ITPR1: variants seen among roughly 807,000 people sequenced by gnomAD.
ITPR1 encodes the protein inositol 1,4,5-trisphosphate-gated calcium channel ITPR1.
Under a neutral mutation model 318.4 loss-of-function variants are expected in ITPR1, and 96 were observed. The observed-to-expected ratio is 0.30, with a 90% CI of 0.26 to 0.36. The LOEUF (loss-of-function observed/expected upper bound fraction) is 0.36, where lower values mean the gene tolerates loss of function less well. ITPR1 is among the 10% of genes least tolerant of loss of function. ITPR1 has a pLI of 1.00. For synonymous variants in ITPR1, 1,312 were observed against 1,289.9 expected (o/e 1.02, Z -0.37); for missense variants, 2,440 against 3,460.2 (o/e 0.71, Z 7.40).
chr3:4,541,935 T>C lies in ITPR1; in HGVS notation c.163+20841T>C, dbSNP rs1438662163. On this transcript the variant is annotated intron_variant, in intron 4 of 61. Coordinates refer to ENST00000649015, the MANE Select transcript of ITPR1 (RefSeq NM_001378452.1). Reference sequence around the variant, plus strand: ...CACTGCGCCCAGCCGCTTTAGGCTATTTTTTAATCTCGCCATCTTTTTCAT... The same window carrying C: ...CACTGCGCCCAGCCGCTTTAGGCTACTTTTTAATCTCGCCATCTTTTTCAT... Among the ~76,000 whole-genome samples the C allele has an allele frequency of 3.3e-5, 5 of 152,214 alleles. No individual in the cohort carries two copies. The East Asian group carries it at 9.6e-4, about 29-fold the overall frequency.
At chr3:4,767,792 G>A (rs143212956) in intron 45 of ITPR1, among the ~76,000 whole-genome samples, 1 of 152,342 alleles carries the variant, frequency 6.6e-6, no homozygotes, top group Non-Finnish European at 1.5e-5. Flanking sequence ...TGGGATTATA[G>A]TCCAGCCACT....
At chr3:4,799,500 G>T (rs1011922070) in intron 53 of ITPR1, among the ~76,000 whole-genome samples, 3 of 152,174 alleles carry the variant, frequency 2.0e-5, no homozygotes, top group South Asian at 4.1e-4. Context: ...GCCCTGCAAA[G>T]GTGTCTCCTC....
At chr3:4,563,516 AT>A (rs1282749389) in intron 4 of ITPR1, among the ~76,000 whole-genome samples, 1 of 152,182 alleles carries the variant, frequency 6.6e-6, no homozygotes, top group Non-Finnish European at 1.5e-5. Context: ...CTCAAAAAAA[AT>A]AAAAAAGCAA....
At chr3:4,504,792 C>G (rs185068142) in intron 2 of ITPR1, among the ~76,000 whole-genome samples, 12 of 152,314 alleles carry the variant, frequency 7.9e-5, no homozygotes, top group African/African-American at 2.6e-4. Context: ...AAAAAGTCAA[C>G]CGTAAATGCG....
At chr3:4,842,210 G>T (rs1318110636) in intron 61 of ITPR1, among the ~76,000 whole-genome samples, 1 of 152,244 alleles carries the variant, frequency 6.6e-6, no homozygotes, top group East Asian at 1.9e-4. Context: ...TATCTGACTT[G>T]TAAAGCTACA....
intron 5 of ITPR1, among the ~76,000 whole-genome samples, chr3:4,632,792 T>C (rs1051582554): frequency 2.9e-4 from 44 of 152,116 alleles, no homozygotes; most frequent in African/African-American, 1.1e-3. Context: ...CATAAGGTGA[T>C]CAAAAATGGT....
At chr3:4,514,436 G>A (rs1327237033) in intron 2 of ITPR1, among the ~76,000 whole-genome samples, 3 of 152,280 alleles carry the variant, frequency 2.0e-5, no homozygotes, top group South Asian at 4.1e-4. Flanking sequence ...TTTGTCACTC[G>A]AGGACACTGA....
intron 4 of ITPR1, among the ~76,000 whole-genome samples, chr3:4,546,878 CA>C (rs1011173557): frequency 7.2e-6 from 1 of 139,686 alleles, no homozygotes; most frequent in African/African-American, 2.7e-5. Flanking sequence ...AAGATAGGAC[CA>C]GGGGAAGAGA....
intron 44 of ITPR1, among the ~76,000 whole-genome samples, chr3:4,755,714 CT>C (rs765403945): frequency 2.0e-5 from 3 of 152,214 alleles, no homozygotes; most frequent in Non-Finnish European, 2.9e-5. Context: ...TGTCCTCCAC[CT>C]TTTCTCTCAG....
chr3:4,725,100 G>A (rs1345624884), intron 40 of ITPR1, among the ~76,000 whole-genome samples: 1 of 152,008 alleles, frequency 6.6e-6, no homozygotes, highest in Middle Eastern at 3.2e-3. Flanking sequence ...GAGACATGTG[G>A]CACGTGGAAC....
chr3:4,668,713 G>A (rs1003376472), intron 18 of ITPR1, among the ~76,000 whole-genome samples: 12 of 152,058 alleles, frequency 7.9e-5, no homozygotes, highest in African/African-American at 1.7e-4. Context: ...TGATCTGTCC[G>A]CCTTTGCCTC....
At chr3:4,834,869 T>C (rs1289161890) in intron 60 of ITPR1, among the ~76,000 whole-genome samples, 1 of 152,196 alleles carries the variant, frequency 6.6e-6, no homozygotes, top group Non-Finnish European at 1.5e-5. Flanking sequence ...TTAAGACACA[T>C]GAATGAAGTG....
intron 44 of ITPR1, chr3:4,749,390 C>G (rs917715710): frequency 4.6e-5 from 7 of 152,234 alleles, no homozygotes; most frequent in Admixed American, 2.0e-4. Flanking sequence ...CAGAGCATCT[C>G]TTGCTGAGGT....
intron 19 of ITPR1, among the ~76,000 whole-genome samples, chr3:4,670,400 G>T (rs1403110352): frequency 6.6e-6 from 1 of 152,172 alleles, no homozygotes; most frequent in Non-Finnish European, 1.5e-5. Context: ...ATTCTTTGTT[G>T]TGGGGCTGTG....
At chr3:4,656,007 C>T (rs577106639) in intron 12 of ITPR1, among the ~76,000 whole-genome samples, 1 of 152,334 alleles carries the variant, frequency 6.6e-6, no homozygotes, top group East Asian at 1.9e-4. Context: ...GCTTCAGTGC[C>T]TGTGGTTTTT....
intron 4 of ITPR1, among the ~76,000 whole-genome samples, chr3:4,534,885 G>T (rs548948797): frequency 6.6e-6 from 1 of 152,320 alleles, no homozygotes; most frequent in African/African-American, 2.4e-5. Context: ...CCCAACTTAG[G>T]TTTAGCAATC....
chr3:4,827,710 A>T (rs2050169853), intron 60 of ITPR1, among the ~76,000 whole-genome samples: 1 of 152,122 alleles, frequency 6.6e-6, no homozygotes, highest in Non-Finnish European at 1.5e-5. Flanking sequence ...TGCGGATAGG[A>T]GTTCGTGAAA....
rs574722552 is a variant in ITPR1 at position 4,542,588 on chromosome 3, C to G, written c.163+21494C>G. ...TAGGTATAAGAGAGAAAACTCTCCT[C>G]GTAGTTCACAAACAAGTTACCTTGC... On this transcript the variant is annotated intron_variant, in intron 4 of 61. Coordinates refer to ENST00000649015, the MANE Select transcript of ITPR1 (RefSeq NM_001378452.1). Among the ~76,000 whole-genome samples the G allele has an allele frequency of 1.4e-4, 21 of 149,542 alleles. No individual in the cohort carries two copies. The Middle Eastern group carries it at 0.014, about 98-fold the overall frequency.
intron 2 of ITPR1, among the ~76,000 whole-genome samples, chr3:4,503,327 G>C (rs2081166904): frequency 1.3e-5 from 2 of 152,174 alleles, no homozygotes; most frequent in Admixed American, 1.3e-4. Context: ...GGACTCCGCA[G>C]TACCGAGTGT....
Sources: allele counts gnomAD v4.1 joint callset (sites outside exome capture counted in the v4.1 genomes callset), GRCh38; gene constraint gnomAD v4.1.1; transcripts MANE v1.5; gene names NCBI Gene and HGNC (gene_info 2026-07-23, HGNC 2026-07-21).